Variants in ZNF804A observed in about 807,000 individuals in gnomAD.
ZNF804A encodes the protein zinc finger protein 804A.
A neutral mutation model predicts 16.5 loss-of-function variants in ZNF804A; 2 were observed. The observed-to-expected ratio is 0.12, with a 90% confidence interval of 0.05 to 0.38. ZNF804A has a LOEUF of 0.38. Among genes scored for constraint, ZNF804A ranks in the 10% least tolerant of loss-of-function variants. The pLI is 0.99. For missense variants in ZNF804A, 1,473 were observed against 1,390.7 expected (o/e 1.06, Z -0.94); for synonymous variants, 534 against 489.6 (o/e 1.09, Z -1.20).
At chr2:184,672,526 G>A (rs1692353061) in intron 1 of ZNF804A, among the ~76,000 whole-genome samples, 1 of 152,132 alleles carries the variant, frequency 6.6e-6, no homozygotes, top group African/African-American at 2.4e-5. Context: ...TGAATAAGTT[G>A]TTTTGTGATG....
In ZNF804A at chr2:184,722,074, C is replaced by T. The variant is rs145414432; in HGVS notation, c.111+123004C>T. Among the ~76,000 whole-genome samples the T allele has an allele frequency of 2.0e-5, 3 of 151,978 alleles. No homozygotes were observed. In the East Asian group the frequency reaches 5.8e-4, roughly 29 times the overall value. ...AGAGAGTGGAATGATAGACACTACA[C>T]TCTGAGAAGAGTGTGTGGGTGCGCG... On this transcript the variant is annotated intron_variant, in intron 1 of 3. Transcript: ENST00000302277.
intron 1 of ZNF804A, among the ~76,000 whole-genome samples, chr2:184,830,569 A>G (rs999147024): frequency 1.3e-5 from 2 of 152,114 alleles, no homozygotes; most frequent in African/African-American, 4.8e-5. Flanking sequence ...ATTTGTGTAA[A>G]GCAATGATGC....
chr2:184,637,779 C>CA (rs1691724754), intron 1 of ZNF804A, among the ~76,000 whole-genome samples: 1 of 152,090 alleles, frequency 6.6e-6, no homozygotes. Flanking sequence ...AAAGTTGTAA[C>CA]TAATGTTTTT....
chr2:184,693,102 T>C (rs542789731), intron 1 of ZNF804A, among the ~76,000 whole-genome samples: 2 of 152,010 alleles, frequency 1.3e-5, no homozygotes, highest in East Asian at 3.9e-4. Flanking sequence ...AAATCATTCA[T>C]TGTGGGGTTA....
chr2:184,640,469 A>G (rs1028994145), intron 1 of ZNF804A, among the ~76,000 whole-genome samples: 1 of 152,158 alleles, frequency 6.6e-6, no homozygotes, highest in Non-Finnish European at 1.5e-5. Context: ...TAGAATATAA[A>G]GGAACAGAAA....
intron 1 of ZNF804A, among the ~76,000 whole-genome samples, chr2:184,683,597 G>A (rs1342106821): frequency 6.6e-6 from 1 of 151,974 alleles, no homozygotes; most frequent in African/African-American, 2.4e-5. Flanking sequence ...AGCTTCAATA[G>A]CAAGAACAGT....
At position 184,657,462 on chromosome 2, in the gene ZNF804A, C is replaced by T. The variant is rs1431884655; in HGVS notation, c.111+58392C>T. Among the ~76,000 whole-genome samples, 4 of 151,996 alleles carry T rather than the reference C, an allele frequency of 2.6e-5. No individual in the cohort carries two copies. In the East Asian group the frequency reaches 7.7e-4, roughly 29 times the overall value. ...AGGAATTGCTCTTAGTAGACTTTGCCCTACTTTTGGGGCTTTTTGTTTTTT... is the reference window on the plus strand; with the variant it reads ...AGGAATTGCTCTTAGTAGACTTTGCTCTACTTTTGGGGCTTTTTGTTTTTT... On this transcript the variant is annotated intron_variant, in intron 1 of 3. Coordinates refer to ENST00000302277, the MANE Select transcript of ZNF804A (RefSeq NM_194250.2).
chr2:184,601,406 A>T (rs1691044080), intron 1 of ZNF804A, among the ~76,000 whole-genome samples: 2 of 152,042 alleles, frequency 1.3e-5, no homozygotes, highest in Admixed American at 6.5e-5. Context: ...TGTCACTTAG[A>T]AATAGGAAAC....
At chr2:184,699,174 A>G (rs16826166) in intron 1 of ZNF804A, among the ~76,000 whole-genome samples, 1,561 of 152,274 alleles carry the variant, frequency 0.01, 27 homozygotes, top group African/African-American at 0.036. Flanking sequence ...TATAATTGGC[A>G]ATGATGGCAT....
chr2:184,612,773 C>T (rs1296505904), intron 1 of ZNF804A, among the ~76,000 whole-genome samples: 3 of 152,194 alleles, frequency 2.0e-5, no homozygotes, highest in Non-Finnish European at 4.4e-5. Flanking sequence ...ACACACAAAG[C>T]TTTTTCACAG....
At chr2:184,776,141 A>T (rs1202615524) in intron 1 of ZNF804A, among the ~76,000 whole-genome samples, 1 of 151,676 alleles carries the variant, frequency 6.6e-6, no homozygotes, top group Admixed American at 6.6e-5. Context: ...AGAAAAAAGA[A>T]CAGTTAAATC....
chr2:184,771,298 C>T (rs1377215708), intron 1 of ZNF804A, among the ~76,000 whole-genome samples: 1 of 151,844 alleles, frequency 6.6e-6, no homozygotes, highest in Non-Finnish European at 1.5e-5. Flanking sequence ...TGTATAGCTG[C>T]ATAACAAGTC....
intron 1 of ZNF804A, among the ~76,000 whole-genome samples, chr2:184,769,093 G>T (rs1321251383): frequency 6.6e-6 from 1 of 151,974 alleles, no homozygotes; most frequent in Non-Finnish European, 1.5e-5. Flanking sequence ...GTAGAGGGAA[G>T]GAATATTGTC....
intron 2 of ZNF804A, among the ~76,000 whole-genome samples, chr2:184,875,292 A>T (rs1012637816): frequency 2.6e-5 from 4 of 152,148 alleles, no homozygotes; most frequent in Admixed American, 2.0e-4. Flanking sequence ...ACCTAAAGGG[A>T]AGTGCTTGGA....
chr2:184,641,178 C>T (rs1691790533), intron 1 of ZNF804A, among the ~76,000 whole-genome samples: 1 of 152,090 alleles, frequency 6.6e-6, no homozygotes, highest in Non-Finnish European at 1.5e-5. Flanking sequence ...TGCTCAAACT[C>T]ATGACCTCAT....
intron 1 of ZNF804A, among the ~76,000 whole-genome samples, chr2:184,681,038 G>A (rs574877335): frequency 1.2e-4 from 18 of 152,348 alleles, no homozygotes; most frequent in African/African-American, 4.3e-4. Context: ...AGCATGCCTG[G>A]CTGGACCCCA....
chr2:184,617,173 A>T (rs1197706446), intron 1 of ZNF804A, among the ~76,000 whole-genome samples: 1 of 152,164 alleles, frequency 6.6e-6, no homozygotes, highest in African/African-American at 2.4e-5. Flanking sequence ...AGAATCTAAC[A>T]TCTACAGAAT....
chr2:184,746,743 T>G (rs1412016742), intron 1 of ZNF804A, among the ~76,000 whole-genome samples: 2 of 151,364 alleles, frequency 1.3e-5, no homozygotes, highest in Non-Finnish European at 3.0e-5. Context: ...CTACTCTTTA[T>G]CTCCATGAGT....
At chr2:184,725,651 A>G (rs149508542) in intron 1 of ZNF804A, among the ~76,000 whole-genome samples, 74 of 151,744 alleles carry the variant, frequency 4.9e-4, no homozygotes, top group South Asian at 1.9e-3. Context: ...GAAAATAACC[A>G]AGATGTAAAG....
Sources: gnomAD v4.1 joint callset for allele counts (sites outside exome capture counted in the v4.1 genomes callset) on GRCh38, gnomAD v4.1.1 for gene constraint, MANE v1.5 for transcripts, NCBI Gene and HGNC (gene_info 2026-07-23, HGNC 2026-07-21) for gene names.